The following MID1 variants were observed in gnomAD, a reference collection of about 807,000 sequenced individuals.
The protein encoded by MID1 is midline 1, also known as E3 ubiquitin-protein ligase Midline-1.
In MID1, 7 loss-of-function variants were observed where a neutral mutation model predicts 40.4. The ratio of observed to expected loss-of-function variants is 0.17; its 90% CI spans 0.10 to 0.33. The LOEUF is 0.33. Among genes scored for constraint, MID1 ranks in the 10% least tolerant of loss-of-function variants. The probability of loss-of-function intolerance (pLI) is 1.00; values close to 1 mark genes in which losing one functional copy is unlikely to be tolerated. For missense variants in MID1, 367 were observed against 558.5 expected (o/e 0.66, Z 3.46); for synonymous variants, 229 against 221.2 (o/e 1.04, Z -0.31).
At chrX:10,550,332 C>T (rs964934917) in intron 2 of MID1, among the ~76,000 whole-genome samples, 5 of 112,183 alleles carry the variant, frequency 4.5e-5, no homozygotes, top group Admixed American at 3.8e-4. Flanking sequence ...ATATCAAATA[C>T]ACCTAAATCA....
chrX:10,797,716 G>A (rs911394179), intron 1 of MID1, among the ~76,000 whole-genome samples: 2 of 111,769 alleles, frequency 1.8e-5, no homozygotes, highest in African/African-American at 6.5e-5. Flanking sequence ...ACATATACAT[G>A]ATAGATACTA....
At chrX:10,528,966 C>T (rs1323578844) in intron 2 of MID1, among the ~76,000 whole-genome samples, 1 of 111,282 alleles carries the variant, frequency 9.0e-6, no homozygotes, top group Admixed American at 9.6e-5. Flanking sequence ...GCCAGTCTGC[C>T]TGGTTTGAAG....
At chrX:10,529,623 T>G (rs1430097533) in intron 2 of MID1, among the ~76,000 whole-genome samples, 12 of 111,898 alleles carry the variant, frequency 1.1e-4, no homozygotes, top group Non-Finnish European at 1.9e-5. Context: ...TCCCCACTCC[T>G]GTGCTGTGCT....
intron 1 of MID1, among the ~76,000 whole-genome samples, chrX:10,698,426 G>A (rs1363504796): frequency 8.9e-6 from 1 of 111,965 alleles, no homozygotes; most frequent in Non-Finnish European, 1.9e-5. Context: ...AATATCTTAT[G>A]CACAGCTTAT....
intron 1 of MID1, among the ~76,000 whole-genome samples, chrX:10,692,397 C>A (rs1294812606): frequency 3.6e-5 from 4 of 111,329 alleles, no homozygotes; most frequent in Non-Finnish European, 7.5e-5. Flanking sequence ...ATACTGGGGG[C>A]TGGTTCCCCC....
At chrX:10,561,003 C>T (rs1934316104) in intron 2 of MID1, among the ~76,000 whole-genome samples, 1 of 106,672 alleles carries the variant, frequency 9.4e-6, no homozygotes, top group Non-Finnish European at 1.9e-5. Context: ...CAGCAGGGTA[C>T]TGGTACCAAA....
chrX:10,500,342 T>G (rs1429920676), intron 3 of MID1, among the ~76,000 whole-genome samples: 3 of 112,102 alleles, frequency 2.7e-5, no homozygotes, highest in Non-Finnish European at 3.8e-5. Flanking sequence ...TCCTAGAAAT[T>G]TGGGAACAGG....
rs58542167 is a variant in MID1 at position 10,573,142 on chromosome X, T to C, written c.-56-5539A>G. ...CAAGACTTATGAGGAAAGTACTTCT[T>C]TAAAATGGAAAATTAATAAGTAGAT... is the stretch of plus-strand genomic sequence containing the variant. On this transcript the variant is annotated intron_variant, in intron 1 of 9. Transcript: ENST00000317552. 6.7e-3 allele frequency among the ~76,000 whole-genome samples: 757 copies of C among 112,646 alleles called. 8 individuals are homozygous for C. The highest frequency in any genetic ancestry group is 0.023 in the African/African-American group (713 of 31,037).
At chrX:10,481,991 T>C (rs191382970) in intron 5 of MID1, among the ~76,000 whole-genome samples, 440 of 111,892 alleles carry the variant, frequency 3.9e-3, no homozygotes, top group Admixed American at 6.4e-3. Flanking sequence ...GCCTTGACCT[T>C]TTCAGGTGAG....
At position 10,446,094 on chromosome X, in the gene MID1, C is replaced by G. The variant is rs1457673936; in HGVS notation, c.*3274G>C. ...GCTGGTAGCTTCCCTTCCCCGGCTG[C>G]GACAACCAAAAGTTGCCATTGCATT... On this transcript the variant is annotated 3_prime_UTR_variant, in exon 10 of 10. Transcript: ENST00000317552. The G allele has an allele frequency of 9.0e-6, 1 of 111,350 alleles. No homozygotes were observed. Among genetic ancestry groups the G allele is most frequent in the Admixed American group, 9.5e-5 (1 of 10,495 alleles). The allele number at this position is 111,350 out of a possible 1,213,427, so 9.2% of individuals were successfully genotyped here.
intron 1 of MID1, among the ~76,000 whole-genome samples, chrX:10,730,632 C>G (rs904484395): frequency 9.9e-6 from 1 of 100,613 alleles, no homozygotes; most frequent in Non-Finnish European, 2.0e-5. Flanking sequence ...AGTGCAGTGG[C>G]ACGATCTCGG....
At chrX:10,593,768 C>CACACAG (rs1371746002) in intron 1 of MID1, among the ~76,000 whole-genome samples, 1 of 93,638 alleles carries the variant, frequency 1.1e-5, no homozygotes, top group Admixed American at 1.1e-4. Flanking sequence ...CTCTGACACA[C>CACACAG]ACACACACAC....
At chrX:10,605,882 T>C (rs766310503) in intron 1 of MID1, among the ~76,000 whole-genome samples, 16 of 111,403 alleles carry the variant, frequency 1.4e-4, no homozygotes, top group East Asian at 2.8e-4. Flanking sequence ...CACCTTCCTC[T>C]AGAAATAGTG....
chrX:10,705,837 CG>C (rs910838449), intron 1 of MID1, among the ~76,000 whole-genome samples: 2 of 111,989 alleles, frequency 1.8e-5, no homozygotes, highest in Non-Finnish European at 3.8e-5. Flanking sequence ...TCTGCTAATT[CG>C]GGGGGGCTCA....
At chrX:10,630,770 G>T (rs1203765390) in intron 1 of MID1, among the ~76,000 whole-genome samples, 1 of 111,499 alleles carries the variant, frequency 9.0e-6, no homozygotes, top group African/African-American at 3.3e-5. Flanking sequence ...TGGGACGGGG[G>T]TGGCACTGGA....
At chrX:10,579,499 C>T (rs188025481) in intron 1 of MID1, among the ~76,000 whole-genome samples, 6 of 111,927 alleles carry the variant, frequency 5.4e-5, no homozygotes, top group South Asian at 3.8e-4. Context: ...ATACTAGTCT[C>T]GTGACTCATG....
intron 1 of MID1, among the ~76,000 whole-genome samples, chrX:10,819,340 C>T (rs2044159862): frequency 9.0e-6 from 1 of 111,725 alleles, no homozygotes; most frequent in Non-Finnish European, 1.9e-5. Flanking sequence ...AACTTATCTC[C>T]CTTATGCATA....
intron 1 of MID1, among the ~76,000 whole-genome samples, chrX:10,581,477 GAAC>G (rs772902630): frequency 9.9e-5 from 11 of 111,294 alleles, no homozygotes; most frequent in Admixed American, 2.8e-4. Flanking sequence ...TTAGTGAGGT[GAAC>G]TTTTTAAAAT....
intron 1 of MID1, among the ~76,000 whole-genome samples, chrX:10,810,466 G>C (rs1363712557): frequency 8.9e-6 from 1 of 112,059 alleles, no homozygotes; most frequent in Non-Finnish European, 1.9e-5. Flanking sequence ...TGTGAATAAT[G>C]CTGCTGTGAA....
Sources: allele counts gnomAD v4.1 joint callset (sites outside exome capture counted in the v4.1 genomes callset), GRCh38; gene constraint gnomAD v4.1.1; transcripts MANE v1.5; gene names NCBI Gene and HGNC (gene_info 2026-07-23, HGNC 2026-07-21).